Variants in RXRA observed in about 807,000 individuals in gnomAD.
The protein encoded by RXRA is retinoid X receptor alpha, also known as retinoic acid receptor RXR-alpha.
RXRA carries 5 observed loss-of-function variants against 44.5 expected under a neutral mutation model. The ratio of observed to expected loss-of-function variants is 0.11; its 90% CI spans 0.06 to 0.24. RXRA has a LOEUF of 0.24. Among genes scored for constraint, RXRA ranks in the 10% least tolerant of loss-of-function variants. The probability of loss-of-function intolerance (pLI) is 1.00; values close to 1 mark genes in which losing one functional copy is unlikely to be tolerated. For missense variants in RXRA, 412 were observed against 646.5 expected (o/e 0.64, Z 3.93); for synonymous variants, 291 against 271.4 (o/e 1.07, Z -0.71).
rs1831436230 is a variant in RXRA at position 134,426,468 on chromosome 9, G to A, written c.911-2640G>A. The A allele has an allele frequency of 3.0e-6, 3 of 985,464 alleles. No individual in the cohort carries two copies. Among genetic ancestry groups the A allele is most frequent in the Non-Finnish European group, 3.6e-6 (3 of 829,932 alleles). The allele number at this position is 985,464 out of a possible 1,614,324, so 61.0% of individuals were successfully genotyped here. On this transcript the variant is annotated intron_variant, in intron 6 of 9. Coordinates refer to ENST00000481739, the MANE Select transcript of RXRA (RefSeq NM_002957.6). This position sits in a 1 kb window ranked among gnomAD's most constrained non-coding sequence, Gnocchi z 4.6. ...TGAGGACATCGGGGTGGAGGGACAG[G>A]GGACAGGGGAGCTGAGATGCAGCCG...
intron 1 of RXRA, among the ~76,000 whole-genome samples, chr9:134,341,801 G>A (rs1475186596): frequency 6.6e-6 from 1 of 152,228 alleles, no homozygotes; most frequent in Non-Finnish European, 1.5e-5. Flanking sequence ...CCCTCCTCTG[G>A]GTCTTGGCCT....
At chr9:134,400,210 C>T (rs1287203677) in intron 1 of RXRA, among the ~76,000 whole-genome samples, 2 of 152,176 alleles carry the variant, frequency 1.3e-5, no homozygotes, top group African/African-American at 2.4e-5. Flanking sequence ...GAGGCCTGGC[C>T]CAGGGCTTCC....
At position 134,326,591 on chromosome 9, in the gene RXRA, C is replaced by T. The variant is rs1834913895; in HGVS notation, c.-41C>T. ...GCCGGGGGCCGCCGCGCCCGCCGCCCGCTGCCTGCGCCGCCGGCCGGGCAT... is the reference window on the plus strand; with the variant it reads ...GCCGGGGGCCGCCGCGCCCGCCGCCTGCTGCCTGCGCCGCCGGCCGGGCAT... On this transcript the variant is annotated 5_prime_UTR_variant, in exon 1 of 10. Coordinates refer to ENST00000481739, the MANE Select transcript of RXRA (RefSeq NM_002957.6). The T allele has an allele frequency of 5.6e-6, 5 of 897,354 alleles. No homozygotes were observed. Among genetic ancestry groups the T allele is most frequent in the Non-Finnish European group, 6.6e-6 (5 of 754,852 alleles). The allele number at this position is 897,354 out of a possible 1,614,324, so 55.6% of individuals were successfully genotyped here. A position where few individuals can be genotyped will look rare whatever the true frequency, so the allele number is the denominator to read the frequency against.
rs1830399352 is a variant in RXRA at position 134,365,257 on chromosome 9, G to A, written c.29-36375G>A. ...TTACGGATGAGGAGATAGAGGTTGAGGATCACAGCCCCAGCCTGCAGGCGC... is the reference window on the plus strand; with the variant it reads ...TTACGGATGAGGAGATAGAGGTTGAAGATCACAGCCCCAGCCTGCAGGCGC... On this transcript the variant is annotated intron_variant, in intron 1 of 9. Transcript: ENST00000481739. The surrounding 1 kb of genome is among the most constrained non-coding windows in gnomAD (Gnocchi z 4.0). 2.0e-5 allele frequency among the ~76,000 whole-genome samples: 3 copies of A among 152,336 alleles called. No homozygotes were observed. The South Asian group carries it at 6.2e-4, about 32-fold the overall frequency.
intron 1 of RXRA, among the ~76,000 whole-genome samples, chr9:134,332,104 C>T (rs1554746719): frequency 6.6e-6 from 1 of 152,222 alleles, no homozygotes; most frequent in African/African-American, 2.4e-5. Context: ...TTGATCCTCA[C>T]TCCAGGGTTG....
chr9:134,398,381 C>G (rs1310768220), intron 1 of RXRA, among the ~76,000 whole-genome samples: 7 of 97,650 alleles, frequency 7.2e-5, no homozygotes, highest in African/African-American at 3.0e-4. Flanking sequence ...ACACACGGGG[C>G]CCTTTGCTGT....
chr9:134,406,185 T>G (rs1424120684), intron 2 of RXRA: 1 of 151,894 alleles, frequency 6.6e-6, no homozygotes, highest in East Asian at 1.9e-4. Context: ...TGCTTGAGCC[T>G]AGGAGTTGGA....
intron 1 of RXRA, among the ~76,000 whole-genome samples, chr9:134,327,396 T>A (rs1248316672): frequency 6.6e-6 from 1 of 152,054 alleles, no homozygotes; most frequent in Admixed American, 6.5e-5. Flanking sequence ...TATCCCAGAC[T>A]GCCCGCCAAC....
chr9:134,392,880 G>C (rs547703709), intron 1 of RXRA, among the ~76,000 whole-genome samples: 2 of 152,178 alleles, frequency 1.3e-5, no homozygotes, highest in South Asian at 2.1e-4. Context: ...TTGGGAACCC[G>C]TCCCTGGGCA....
At position 134,392,083 on chromosome 9, in the gene RXRA, T is replaced by A. The variant is rs576235034; in HGVS notation, c.29-9549T>A. On this transcript the variant is annotated intron_variant, in intron 1 of 9. Coordinates refer to ENST00000481739, the MANE Select transcript of RXRA (RefSeq NM_002957.6). ...GTGACAGTCACCTGGCTTGGTGCAG[T>A]GTGCAGGGCAAGCCCCGGTGTCAGA... 3.3e-5 allele frequency among the ~76,000 whole-genome samples: 5 copies of A among 152,328 alleles called. No individual in the cohort carries two copies. In the South Asian group the frequency reaches 1.0e-3, roughly 32 times the overall value.
At chr9:134,375,990 G>T (rs1830551819) in intron 1 of RXRA, among the ~76,000 whole-genome samples, 1 of 123,860 alleles carries the variant, frequency 8.1e-6, no homozygotes, top group Admixed American at 8.6e-5. Context: ...ACCCCGCCAG[G>T]CTCGCAGCCT....
At chr9:134,428,729 G>A (rs945316005) in intron 6 of RXRA, among the ~76,000 whole-genome samples, 1 of 152,216 alleles carries the variant, frequency 6.6e-6, no homozygotes, top group African/African-American at 2.4e-5. Context: ...CGAGAGTCCT[G>A]GGACCCTGCT....
chr9:134,363,240 G>A (rs748983360), intron 1 of RXRA, among the ~76,000 whole-genome samples: 6 of 152,184 alleles, frequency 3.9e-5, no homozygotes, highest in South Asian at 2.1e-4. Context: ...GGCCACGGGC[G>A]AGGGGGTGGG....
intron 4 of RXRA, among the ~76,000 whole-genome samples, chr9:134,415,106 C>T (rs992606405): frequency 6.6e-6 from 1 of 152,250 alleles, no homozygotes; most frequent in Admixed American, 6.5e-5. Flanking sequence ...GGCTCCTCTG[C>T]CTGGTTGGTG....
At chr9:134,355,961 T>G (rs1554750044) in intron 1 of RXRA, among the ~76,000 whole-genome samples, 4 of 145,858 alleles carry the variant, frequency 2.7e-5, no homozygotes, top group Admixed American at 1.4e-4. Flanking sequence ...GCTGAGGGGG[T>G]GGGGGGCAGC....
rs991903793 is a variant in RXRA at position 134,407,992 on chromosome 9, G to A, written c.280-157G>A. Among the ~76,000 whole-genome samples the A allele has an allele frequency of 5.3e-5, 8 of 151,818 alleles. No homozygotes were observed. The highest frequency in any genetic ancestry group is 4.2e-4 in the South Asian group (2 of 4,794). On this transcript the variant is annotated intron_variant, in intron 2 of 9. Transcript: ENST00000481739. The surrounding 1 kb of genome is among the most constrained non-coding windows in gnomAD (Gnocchi z 4.8). Reference sequence around the variant, plus strand: ...GCAAGCACAGTGGCCCCGCTGCTCCGGAGCAGCGTGGCGGGTGGGGGGCAC... The same window carrying A: ...GCAAGCACAGTGGCCCCGCTGCTCCAGAGCAGCGTGGCGGGTGGGGGGCAC...
At chr9:134,418,877 C>T (rs755633450) in intron 5 of RXRA, among the ~76,000 whole-genome samples, 10 of 152,332 alleles carry the variant, frequency 6.6e-5, no homozygotes, top group South Asian at 2.1e-4. Context: ...CACACAAGGC[C>T]GGCATCCCCA....
rs571897748 is a variant in RXRA at position 134,380,257 on chromosome 9, G to A, written c.29-21375G>A. On this transcript the variant is annotated intron_variant, in intron 1 of 9. Coordinates refer to ENST00000481739, the MANE Select transcript of RXRA (RefSeq NM_002957.6). ...CGATCCCAGGATGGGAGTGGGGGTG[G>A]CCGGGGCACTGTGAGCTGGCGTGCT... The A allele has an allele frequency of 8.6e-6, 8 of 931,102 alleles. No individual in the cohort carries two copies. In the East Asian group the frequency reaches 9.4e-4, roughly 109 times the overall value. The allele number at this position is 931,102 out of a possible 1,614,324, so 57.7% of individuals were successfully genotyped here.
At position 134,440,383 on chromosome 9, in the gene RXRA, G is replaced by A. The variant is rs1831713483; in HGVS notation, c.*3769G>A. ...GTAATTTTTAAAGCCTTGCTCTGTTGTGTCCTGTTGCCGGCTCTGGCCTTC... is the reference window on the plus strand; with the variant it reads ...GTAATTTTTAAAGCCTTGCTCTGTTATGTCCTGTTGCCGGCTCTGGCCTTC... On this transcript the variant is annotated 3_prime_UTR_variant, in exon 10 of 10. Coordinates refer to ENST00000481739, the MANE Select transcript of RXRA (RefSeq NM_002957.6). The A allele has an allele frequency of 6.6e-6, 1 of 152,560 alleles. No individual in the cohort carries two copies. The highest frequency in any genetic ancestry group is 1.5e-5 in the Non-Finnish European group (1 of 68,072). 9.5% of individuals were successfully genotyped at this position (152,560 alleles called of 1,614,324 possible).
Sources: allele counts gnomAD v4.1 joint callset (sites outside exome capture counted in the v4.1 genomes callset), GRCh38; gene constraint gnomAD v4.1.1; non-coding constraint Gnocchi (gnomAD v3.1); transcripts MANE v1.5; gene names NCBI Gene and HGNC (gene_info 2026-07-23, HGNC 2026-07-21).